TMC1: variants seen among roughly 807,000 people sequenced by gnomAD.
TMC1 encodes the protein transmembrane channel-like protein 1.
A neutral mutation model predicts 105.8 loss-of-function variants in TMC1; 84 were observed. The observed-to-expected ratio is 0.79, with a 90% CI of 0.67 to 0.95. The LOEUF is 0.95. Ranked by LOEUF, TMC1 falls within the 40% of genes least tolerant of loss-of-function variation. The pLI, the probability that TMC1 is intolerant of heterozygous loss-of-function variation, is 0.00. For missense variants in TMC1, 817 were observed against 914.1 expected, an observed-to-expected ratio of 0.89 and a Z score of 1.37; for synonymous variants, 315 against 311.5, an observed-to-expected ratio of 1.01 and a Z score of -0.12.
At chr9:72,604,525 A>G (rs1824877114) in intron 2 of TMC1, among the ~76,000 whole-genome samples, 1 of 152,140 alleles carries the variant, frequency 6.6e-6, no homozygotes, top group Non-Finnish European at 1.5e-5. Context: ...CTGGTATTGC[A>G]GTTTTCCTGC....
chr9:72,562,907 A>G (rs1185036310), intron 1 of TMC1, among the ~76,000 whole-genome samples: 1 of 152,068 alleles, frequency 6.6e-6, no homozygotes, highest in Non-Finnish European at 1.5e-5. Context: ...GCTTGAACTC[A>G]GGTGGTGGAG....
intron 8 of TMC1, among the ~76,000 whole-genome samples, chr9:72,732,579 A>AC (rs1554723733): frequency 6.6e-6 from 1 of 152,150 alleles, no homozygotes; most frequent in Non-Finnish European, 1.5e-5. Context: ...AAAAAAAAAA[A>AC]AAAGATAAAT....
chr9:72,604,530 T>C (rs1438398944), intron 2 of TMC1, among the ~76,000 whole-genome samples: 1 of 152,218 alleles, frequency 6.6e-6, no homozygotes, highest in Non-Finnish European at 1.5e-5. Context: ...ATTGCAGTTT[T>C]CCTGCACTTA....
intron 17 of TMC1, among the ~76,000 whole-genome samples, chr9:72,804,428 T>C (rs1370864347): frequency 6.6e-6 from 1 of 152,194 alleles, no homozygotes; most frequent in African/African-American, 2.4e-5. Flanking sequence ...ATTCAATGGT[T>C]TCTAATATAT....
At chr9:72,773,129 T>C (rs1214827469) in intron 13 of TMC1, among the ~76,000 whole-genome samples, 1 of 152,176 alleles carries the variant, frequency 6.6e-6, no homozygotes, top group African/African-American at 2.4e-5. Context: ...AGAACTGATA[T>C]TACTGCAGTT....
At chr9:72,822,603 G>A (rs994281593) in intron 20 of TMC1, among the ~76,000 whole-genome samples, 11 of 150,796 alleles carry the variant, frequency 7.3e-5, no homozygotes, top group Admixed American at 5.3e-4. Context: ...AGTGACATCT[G>A]GAGACTAAAT....
At chr9:72,755,642 G>A (rs1309031757) in intron 12 of TMC1, among the ~76,000 whole-genome samples, 1 of 152,032 alleles carries the variant, frequency 6.6e-6, no homozygotes, top group African/African-American at 2.4e-5. Context: ...TTTTTAAGTA[G>A]TGACTAGACT....
At chr9:72,795,491 T>C (rs969163141) in intron 17 of TMC1, among the ~76,000 whole-genome samples, 10 of 152,118 alleles carry the variant, frequency 6.6e-5, no homozygotes, top group African/African-American at 2.4e-4. Flanking sequence ...GGTCCTATAT[T>C]CAACATTCTT....
At chr9:72,666,153 C>G (rs567832517) in intron 5 of TMC1, among the ~76,000 whole-genome samples, 1 of 151,992 alleles carries the variant, frequency 6.6e-6, no homozygotes, top group Non-Finnish European at 1.5e-5. Flanking sequence ...GCGTGGCTTA[C>G]GCCAGTAATC....
intron 8 of TMC1, among the ~76,000 whole-genome samples, chr9:72,702,070 AT>A (rs1009999113): frequency 6.6e-6 from 1 of 152,190 alleles, no homozygotes; most frequent in Non-Finnish European, 1.5e-5. Flanking sequence ...GGTTTTAAAA[AT>A]ATTCTTACCT....
chr9:72,789,536 A>AT (rs1828229809), intron 15 of TMC1, among the ~76,000 whole-genome samples: 1 of 152,140 alleles, frequency 6.6e-6, no homozygotes, highest in Admixed American at 6.5e-5. Context: ...GGAAAGTTAG[A>AT]GTCAGAAAAG....
intron 8 of TMC1, among the ~76,000 whole-genome samples, chr9:72,716,710 G>A (rs1826926485): frequency 6.6e-6 from 1 of 152,156 alleles, no homozygotes; most frequent in African/African-American, 2.4e-5. Flanking sequence ...CCGTGGGAGT[G>A]GGACCCACTG....
intron 3 of TMC1, among the ~76,000 whole-genome samples, chr9:72,620,682 G>A (rs1418528801): frequency 6.6e-6 from 1 of 152,122 alleles, no homozygotes; most frequent in Non-Finnish European, 1.5e-5. Flanking sequence ...ATTAATAAGT[G>A]ACTAAAGATT....
At chr9:72,790,988 T>C (rs922772566) in intron 15 of TMC1, among the ~76,000 whole-genome samples, 8 of 152,144 alleles carry the variant, frequency 5.3e-5, no homozygotes, top group Admixed American at 2.0e-4. Context: ...TGTTTAGTGG[T>C]GACAGTTTGA....
At chr9:72,715,154 T>A (rs1168565763) in intron 8 of TMC1, among the ~76,000 whole-genome samples, 1 of 152,196 alleles carries the variant, frequency 6.6e-6, no homozygotes, top group Non-Finnish European at 1.5e-5. Context: ...GGGCTTCCCT[T>A]TGTGGGTAAC....
chr9:72,564,690 G>A (rs995693943), intron 1 of TMC1, among the ~76,000 whole-genome samples: 26 of 152,190 alleles, frequency 1.7e-4, no homozygotes, highest in African/African-American at 5.5e-4. Context: ...TTTAGTGGGG[G>A]ACATGTCCTT....
At chr9:72,691,719 C>T (rs1341639221) in intron 6 of TMC1, among the ~76,000 whole-genome samples, 1 of 152,244 alleles carries the variant, frequency 6.6e-6, no homozygotes, top group Middle Eastern at 3.4e-3. Context: ...CAACAGTATG[C>T]TGGGTCCTGT....
Position 72,764,397 on chromosome 9 carries a change from CCTT to C in TMC1, c.742-8015_742-8013del, listed in dbSNP as rs138294639. On this transcript the variant is annotated intron_variant, in intron 12 of 23. Coordinates refer to ENST00000297784, the MANE Select transcript of TMC1 (RefSeq NM_138691.3). ...CCCTCTAATATGCTTTTAATCTCCT[CCTT>C]GCGAAATGAAAGAAGACAACTTTTT... 5.7e-3 allele frequency among the ~76,000 whole-genome samples: 870 copies of C among 152,142 alleles called. 5 individuals carry two copies. The highest frequency in any genetic ancestry group is 0.02 in the African/African-American group (834 of 41,506).
intron 8 of TMC1, among the ~76,000 whole-genome samples, chr9:72,733,582 A>G (rs1041568763): frequency 2.0e-5 from 3 of 152,186 alleles, no homozygotes; most frequent in East Asian, 1.9e-4. Flanking sequence ...ATCAGAGGGG[A>G]ATACCTTCCA....
Sources: gnomAD v4.1 joint callset for allele counts (sites outside exome capture counted in the v4.1 genomes callset) on GRCh38, gnomAD v4.1.1 for gene constraint, MANE v1.5 for transcripts, NCBI Gene and HGNC (gene_info 2026-07-23, HGNC 2026-07-21) for gene names.